Variants in PTPRT observed in about 807,000 individuals in gnomAD.
PTPRT encodes the protein protein tyrosine phosphatase receptor type T.
In PTPRT, 56 loss-of-function variants were observed where a neutral mutation model predicts 176.8. The ratio of observed to expected loss-of-function variants is 0.32; its 90% confidence interval spans 0.26 to 0.40. The LOEUF is 0.40. Ranked by LOEUF, PTPRT falls within the 10% of genes least tolerant of loss-of-function variation. The pLI is 1.00. For missense variants in PTPRT, 1,540 were observed against 1,908.2 expected, an observed-to-expected ratio of 0.81 and a Z score of 3.60; for synonymous variants, 783 against 739.0, an observed-to-expected ratio of 1.06 and a Z score of -0.96.
intron 7 of PTPRT, among the ~76,000 whole-genome samples, chr20:42,603,317 A>T (rs2073815661): frequency 6.6e-6 from 1 of 152,138 alleles, no homozygotes; most frequent in Non-Finnish European, 1.5e-5. Flanking sequence ...AAAATGAGCA[A>T]ATGAGCAGCA....
chr20:42,283,467 A>G (rs545090469), intron 12 of PTPRT, among the ~76,000 whole-genome samples: 1 of 152,230 alleles, frequency 6.6e-6, no homozygotes, highest in East Asian at 1.9e-4. Context: ...TCAGGATAGG[A>G]AAGGTTAGGA....
At chr20:43,153,200 A>T (rs4812678) in intron 1 of PTPRT, among the ~76,000 whole-genome samples, 152,323 of 152,326 alleles carry the variant, frequency 1, 76,160 homozygotes, top group Non-Finnish European at 1. Context: ...TACATAGTGG[A>T]CACCAATATA....
intron 6 of PTPRT, among the ~76,000 whole-genome samples, chr20:42,713,551 A>G (rs2076178017): frequency 6.6e-6 from 1 of 152,180 alleles, no homozygotes; most frequent in Non-Finnish European, 1.5e-5. Context: ...ACCTTAAATG[A>G]AACTGTAAGA....
chr20:43,108,689 C>T (rs551801965), intron 1 of PTPRT, among the ~76,000 whole-genome samples: 11 of 152,062 alleles, frequency 7.2e-5, no homozygotes, highest in African/African-American at 2.7e-4. Flanking sequence ...TCCCTAGCAT[C>T]GCACAGAGGC....
intron 1 of PTPRT, among the ~76,000 whole-genome samples, chr20:42,999,543 G>T (rs1463301874): frequency 6.6e-6 from 1 of 152,030 alleles, no homozygotes; most frequent in Non-Finnish European, 1.5e-5. Context: ...GCCACTGGAG[G>T]CCAGGGGTTC....
chr20:42,719,087 G>GTT (rs1300374143), intron 6 of PTPRT, among the ~76,000 whole-genome samples: 1 of 152,214 alleles, frequency 6.6e-6, no homozygotes, highest in African/African-American at 2.4e-5. Flanking sequence ...CTGAAGAAAT[G>GTT]AATGGTTGAG....
At chr20:42,448,813 T>C (rs1273576674) in intron 8 of PTPRT, among the ~76,000 whole-genome samples, 1 of 151,732 alleles carries the variant, frequency 6.6e-6, no homozygotes, top group Non-Finnish European at 1.5e-5. Context: ...ATTATTATTG[T>C]AGGCCACACA....
intron 2 of PTPRT, among the ~76,000 whole-genome samples, chr20:42,816,902 C>T (rs2077796736): frequency 6.6e-6 from 1 of 152,122 alleles, no homozygotes; most frequent in Non-Finnish European, 1.5e-5. Context: ...AATTACCAAC[C>T]TTGGCCATGA....
chr20:43,042,561 G>T (rs1284381823), intron 1 of PTPRT, among the ~76,000 whole-genome samples: 1 of 152,062 alleles, frequency 6.6e-6, no homozygotes, highest in Non-Finnish European at 1.5e-5. Flanking sequence ...GGTGACCTTA[G>T]AATCTTTCAC....
Position 42,955,799 on chromosome 20 carries a change from AAGTGAGGGAGAAGGAGGGAGGGAGGG to A in PTPRT, c.89-69893_89-69868del, listed in dbSNP as rs1193512608. Among the ~76,000 whole-genome samples the A allele has an allele frequency of 7.1e-5, 10 of 141,364 alleles. No homozygotes were observed. In the East Asian group the frequency reaches 9.9e-4, roughly 14 times the overall value. The allele number at this position is 141,364 out of a possible 152,430, so 92.7% of individuals were successfully genotyped here. On this transcript the variant is annotated intron_variant, in intron 1 of 30. Transcript: ENST00000373187. ...TGCAGGGGCAAAGCCAAGGCAGAAAAAGTGAGGGAGAAGGAGGGAGGGAGGGAGTGAGGGAGAAGGAGGGAGGGAGG... is the reference window on the plus strand; with the variant it reads ...TGCAGGGGCAAAGCCAAGGCAGAAAAAGTGAGGGAGAAGGAGGGAGGGAGG...
intron 2 of PTPRT, among the ~76,000 whole-genome samples, chr20:42,843,504 G>T (rs2078314985): frequency 6.6e-6 from 1 of 152,238 alleles, no homozygotes; most frequent in Admixed American, 6.5e-5. Context: ...AAATGTGGCA[G>T]ATGGTAGCAT....
chr20:43,016,925 C>A (rs577289735), intron 1 of PTPRT, among the ~76,000 whole-genome samples: 93 of 152,258 alleles, frequency 6.1e-4, no homozygotes, highest in African/African-American at 2.2e-3. Flanking sequence ...GGGTATTCCC[C>A]CATCTCTGTT....
chr20:42,246,158 A>G (rs919760897), intron 14 of PTPRT, among the ~76,000 whole-genome samples: 1 of 152,180 alleles, frequency 6.6e-6, no homozygotes, highest in Non-Finnish European at 1.5e-5. Flanking sequence ...TGATATATAT[A>G]TGCAGCTGGG....
At chr20:42,385,838 C>G (rs1010764616) in intron 9 of PTPRT, among the ~76,000 whole-genome samples, 14 of 152,090 alleles carry the variant, frequency 9.2e-5, no homozygotes, top group African/African-American at 3.1e-4. Flanking sequence ...TTCAATTATC[C>G]CCACCTGCCC....
intron 1 of PTPRT, among the ~76,000 whole-genome samples, chr20:42,914,162 A>G (rs1474219425): frequency 1.3e-5 from 2 of 152,190 alleles, no homozygotes; most frequent in Non-Finnish European, 2.9e-5. Context: ...TTGCTTTCTC[A>G]GGAAAGGGAT....
intron 16 of PTPRT, among the ~76,000 whole-genome samples, chr20:42,191,261 T>C (rs1990991021): frequency 6.6e-6 from 1 of 152,146 alleles, no homozygotes; most frequent in Admixed American, 6.6e-5. Context: ...AAATCTTTGA[T>C]TTGGGCCCCA....
At chr20:42,982,223 G>A (rs1273871817) in intron 1 of PTPRT, among the ~76,000 whole-genome samples, 4 of 152,136 alleles carry the variant, frequency 2.6e-5, no homozygotes, top group South Asian at 4.2e-4. Context: ...ATTTTCAAAC[G>A]TACTCAGCAT....
At chr20:43,123,382 C>T (rs1375088536) in intron 1 of PTPRT, among the ~76,000 whole-genome samples, 2 of 152,172 alleles carry the variant, frequency 1.3e-5, no homozygotes, top group African/African-American at 2.4e-5. Flanking sequence ...GTCATCTCCT[C>T]GAATCTACTC....
rs145482718 is a variant in PTPRT, at chr20:42,586,640, T to G, written c.1153+91226A>C. Among the ~76,000 whole-genome samples, 28 of 152,332 alleles carry G rather than the reference T, an allele frequency of 1.8e-4. No homozygotes were observed. The East Asian group carries it at 4.0e-3, about 22-fold the overall frequency. ...TAATAATAACATTTTATTGGTATCTTGTACATCCGTTGGCATTGGCATTTA... is the reference window on the plus strand; with the variant it reads ...TAATAATAACATTTTATTGGTATCTGGTACATCCGTTGGCATTGGCATTTA... On this transcript the variant is annotated intron_variant, in intron 7 of 30. Coordinates refer to ENST00000373187, the MANE Select transcript of PTPRT (RefSeq NM_007050.6).
Sources: allele counts gnomAD v4.1 joint callset (sites outside exome capture counted in the v4.1 genomes callset), GRCh38; gene constraint gnomAD v4.1.1; transcripts MANE v1.5; gene names NCBI Gene and HGNC (gene_info 2026-07-23, HGNC 2026-07-21).